UACA: variants seen among roughly 807,000 people sequenced by gnomAD.
UACA encodes the protein uveal autoantigen with coiled-coil domains and ankyrin repeats.
In UACA, 112 loss-of-function variants were observed where a neutral mutation model predicts 160.5. The observed-to-expected ratio is 0.70, with a 90% confidence interval of 0.60 to 0.82. The LOEUF (loss-of-function observed/expected upper bound fraction) is 0.82, where lower values mean the gene tolerates loss of function less well. Among genes scored for constraint, UACA ranks in the 40% least tolerant of loss-of-function variants. UACA has a pLI of 0.00. For missense variants in UACA, 1,574 were observed against 1,614.6 expected (o/e 0.97, Z 0.43); for synonymous variants, 557 against 568.4 (o/e 0.98, Z 0.29).
chr15:70,761,091 G>C (rs1013082258), intron 1 of UACA, among the ~76,000 whole-genome samples: 1 of 152,028 alleles, frequency 6.6e-6, no homozygotes. Flanking sequence ...TACAGCAAAA[G>C]ATATGAATGG....
chr15:70,760,846 A>G (rs776618531), intron 1 of UACA, among the ~76,000 whole-genome samples: 8 of 151,998 alleles, frequency 5.3e-5, no homozygotes, highest in Non-Finnish European at 1.0e-4. Context: ...TGGAAAGGAT[A>G]AACTGTTCTT....
rs1316353769 is a variant in UACA at position 70,664,833 on chromosome 15, G to A, written c.3961-19C>T. ...CAGTTATCTTTAAAAAAATGTTGTA[G>A]GAGAAATATATTATTCACTTATCAT... On this transcript the variant is annotated intron_variant, in intron 16 of 18. Coordinates refer to ENST00000322954, the MANE Select transcript of UACA (RefSeq NM_018003.4). The A allele has an allele frequency of 6.2e-7, 1 of 1,600,566 alleles. No homozygotes were observed. The highest frequency in any genetic ancestry group is 1.7e-5 in the Admixed American group (1 of 58,386).
At chr15:70,702,174 CTCTA>C (rs1159901663) in intron 1 of UACA, 25 of 1,238,222 alleles carry the variant, frequency 2.0e-5, no homozygotes, top group Non-Finnish European at 2.5e-5. Flanking sequence ...GGTACAGTAA[CTCTA>C]TCTATTTCTT....
At chr15:70,718,324 A>ATATGTGTGTG (rs1555414641) in intron 1 of UACA, among the ~76,000 whole-genome samples, 1 of 60,182 alleles carries the variant, frequency 1.7e-5, no homozygotes, top group African/African-American at 6.8e-5. Context: ...GAGAGAGAGA[A>ATATGTGTGTG]TGTGTGTGTG....
upstream of UACA, chr15:70,763,688 T>A (rs2030920219): frequency 2.4e-6 from 1 of 412,590 alleles, no homozygotes; most frequent in Non-Finnish European, 3.9e-6. Context: ...ACACCCTTCC[T>A]CTCCCAGCTG....
At chr15:70,735,147 T>TAAAAAA (rs1555415817) in intron 1 of UACA, among the ~76,000 whole-genome samples, 6 of 3,068 alleles carry the variant, frequency 2.0e-3, no homozygotes, top group Admixed American at 9.1e-3. Context: ...TAGAGTATAA[T>TAAAAAA]AAAAAAAAAA....
At chr15:70,689,675 T>C (rs1359265678) in intron 5 of UACA, among the ~76,000 whole-genome samples, 1 of 152,126 alleles carries the variant, frequency 6.6e-6, no homozygotes, top group Non-Finnish European at 1.5e-5. Context: ...GACTGTTTTT[T>C]TTCCTTTGGC....
chr15:70,668,306 C>G lies in UACA; in HGVS notation c.2378G>C (p.Ser793Thr). The change falls in exon 16 of 19, where the codon AGT (serine) becomes ACT (threonine). Residue 793 changes from serine (S) to threonine (T), a missense_variant. By Grantham distance (58) the Ser-to-Thr change is moderately conservative. Transcript: ENST00000322954. ...EKLLLENDSL[S>T]KDVSRLETVF... Reference sequence around the variant, plus strand: ...AGTTTCTAGGCGGCTTACATCCTTACTTAAGCTGTCATTTTCCAGTAGCAA... The same window carrying G: ...AGTTTCTAGGCGGCTTACATCCTTAGTTAAGCTGTCATTTTCCAGTAGCAA... 6.2e-7 allele frequency: 1 copy of G among 1,612,220 alleles called. No individual in the cohort carries two copies. The highest frequency in any genetic ancestry group is 8.5e-7 in the Non-Finnish European group (1 of 1,179,660).
chr15:70,718,309 GGAGA>G (rs367584436), intron 1 of UACA, among the ~76,000 whole-genome samples: 25 of 115,500 alleles, frequency 2.2e-4, no homozygotes, highest in African/African-American at 7.5e-4. Flanking sequence ...AGAGGGAGAG[GGAGA>G]GAGAGAGAGA....
At chr15:70,716,240 A>G (rs1031255861) in intron 1 of UACA, among the ~76,000 whole-genome samples, 3 of 152,216 alleles carry the variant, frequency 2.0e-5, no homozygotes, top group Admixed American at 1.3e-4. Context: ...GTAGGAGAGC[A>G]TGACAGAAAA....
Position 70,714,048 on chromosome 15 carries a change from C to T in UACA, c.79-14388G>A, listed in dbSNP as rs1898758172. ...TGTTTAGGCAAATTCCCCCAAAACA[C>T]CTAATTAAAAAAGTACACAGGCTTC... On this transcript the variant is annotated intron_variant, in intron 1 of 18. Coordinates refer to ENST00000322954, the MANE Select transcript of UACA (RefSeq NM_018003.4). 2.0e-5 allele frequency among the ~76,000 whole-genome samples: 3 copies of T among 152,200 alleles called. No homozygotes were observed. In the South Asian group the frequency reaches 6.2e-4, roughly 32 times the overall value.
intron 13 of UACA, chr15:70,676,236 T>G: frequency 3.3e-6 from 1 of 302,388 alleles, no homozygotes; most frequent in Non-Finnish European, 6.2e-6. Context: ...GGATGGACAA[T>G]GAAGAGAAAC....
chr15:70,766,690 C>T (rs560083443), upstream of UACA, among the ~76,000 whole-genome samples: 2 of 152,144 alleles, frequency 1.3e-5, no homozygotes, highest in African/African-American at 2.4e-5. Flanking sequence ...CTTACTGAAT[C>T]GTGTAGTAAG....
At chr15:70,699,478 G>A (rs948252306) in intron 2 of UACA, 49 bp downstream of exon 2, 1 of 1,591,266 alleles carries the variant, frequency 6.3e-7, no homozygotes, top group African/African-American at 1.4e-5. Flanking sequence ...TGTATCCCAA[G>A]ACTATCCAAA....
Position 70,763,473 on chromosome 15 carries a change from G to T in UACA, c.-66C>A. The T allele has an allele frequency of 7.9e-7, 1 of 1,265,742 alleles. No homozygotes were observed. The highest frequency in any genetic ancestry group is 1.0e-6 in the Non-Finnish European group (1 of 997,436). The allele number at this position is 1,265,742 out of a possible 1,614,324, so 78.4% of individuals were successfully genotyped here. A position where few individuals can be genotyped will look rare whatever the true frequency, so the allele number is the denominator to read the frequency against. On this transcript the variant is annotated 5_prime_UTR_variant, in exon 1 of 19. Transcript: ENST00000322954. ...GCGGAGTGCCAGCGCGCAAGGAGTA[G>T]ACGGCAGCGGCTGCAGCAGAGGCGG...
intron 1 of UACA, among the ~76,000 whole-genome samples, chr15:70,723,954 C>T (rs967568388): frequency 6.6e-6 from 1 of 152,138 alleles, no homozygotes; most frequent in Non-Finnish European, 1.5e-5. Context: ...AAAGAAACTT[C>T]CTCTGACTCC....
chr15:70,758,053 T>G (rs932841637), intron 1 of UACA, among the ~76,000 whole-genome samples: 1 of 152,244 alleles, frequency 6.6e-6, no homozygotes, highest in Non-Finnish European at 1.5e-5. Flanking sequence ...ATTTGAACAA[T>G]GCATATGATG....
chr15:70,690,660 A>C, intron 4 of UACA, 149 bp from the exon 5 acceptor site: 1 of 610,570 alleles, frequency 1.6e-6, no homozygotes, highest in Admixed American at 3.2e-5. Context: ...AAATATGCTG[A>C]CATGGAACAA....
chr15:70,689,663 T>C (rs535595136), intron 5 of UACA, among the ~76,000 whole-genome samples: 3 of 152,216 alleles, frequency 2.0e-5, no homozygotes, highest in African/African-American at 4.8e-5. Flanking sequence ...AAAGAGAAAG[T>C]AGACTGTTTT....
Sources: allele counts gnomAD v4.1 joint callset (sites outside exome capture counted in the v4.1 genomes callset), GRCh38; gene constraint gnomAD v4.1.1; transcripts MANE v1.5; gene names NCBI Gene and HGNC (gene_info 2026-07-23, HGNC 2026-07-21).